Variants in OSBP2 observed in about 807,000 individuals in gnomAD.
The protein encoded by OSBP2 is oxysterol-binding protein 2.
A neutral mutation model predicts 96.0 loss-of-function variants in OSBP2; 66 were observed. The ratio of observed to expected loss-of-function variants is 0.69; its 90% CI spans 0.56 to 0.84. OSBP2 has a LOEUF of 0.84. OSBP2 is among the 40% of genes least tolerant of loss of function. The probability of loss-of-function intolerance (pLI) is 0.00; values close to 1 mark genes in which losing one functional copy is unlikely to be tolerated. For synonymous variants in OSBP2, 525 were observed against 520.9 expected, an observed-to-expected ratio of 1.01 and a Z score of -0.11; for missense variants, 1,038 against 1,222.7, an observed-to-expected ratio of 0.85 and a Z score of 2.25.
chr22:30,781,616 A>G (rs1329712644), intron 2 of OSBP2, among the ~76,000 whole-genome samples: 2 of 151,948 alleles, frequency 1.3e-5, no homozygotes, highest in Non-Finnish European at 2.9e-5. Context: ...CCCTGAGTGG[A>G]CTCAAATGGG....
At chr22:30,839,679 T>C (rs2038707740) in intron 2 of OSBP2, among the ~76,000 whole-genome samples, 1 of 151,216 alleles carries the variant, frequency 6.6e-6, no homozygotes, top group Non-Finnish European at 1.5e-5. Flanking sequence ...CTTTGCCCAC[T>C]TTTTGATGGG....
intron 2 of OSBP2, among the ~76,000 whole-genome samples, chr22:30,797,584 A>G (rs1159353752): frequency 6.8e-6 from 1 of 146,680 alleles, no homozygotes; most frequent in African/African-American, 2.5e-5. Context: ...ACCTGGCCCT[A>G]TTTATTTTTA....
intron 12 of OSBP2, among the ~76,000 whole-genome samples, chr22:30,896,014 TG>T (rs1406625350): frequency 2.0e-5 from 3 of 151,702 alleles, no homozygotes; most frequent in African/African-American, 7.3e-5. Flanking sequence ...GGGTTTTGTT[TG>T]TTTTTTTGTT....
chr22:30,790,968 T>A (rs1294005736), intron 2 of OSBP2, among the ~76,000 whole-genome samples: 1 of 152,140 alleles, frequency 6.6e-6, no homozygotes, highest in Non-Finnish European at 1.5e-5. Flanking sequence ...TTATTTTTCT[T>A]TCATTTTTTA....
intron 2 of OSBP2, among the ~76,000 whole-genome samples, chr22:30,756,314 G>A (rs1376935927): frequency 6.6e-6 from 1 of 152,110 alleles, no homozygotes; most frequent in Non-Finnish European, 1.5e-5. Flanking sequence ...AGACAGGTTG[G>A]GCCCAAATCC....
chr22:30,700,001 C>A (rs2089131048), intron 1 of OSBP2, among the ~76,000 whole-genome samples: 1 of 145,898 alleles, frequency 6.9e-6, no homozygotes, highest in Non-Finnish European at 1.5e-5. Context: ...CTCGTTCTGT[C>A]ACCCAGGCTG....
At chr22:30,786,561 C>A (rs2090593037) in intron 2 of OSBP2, among the ~76,000 whole-genome samples, 1 of 151,768 alleles carries the variant, frequency 6.6e-6, no homozygotes, top group South Asian at 2.1e-4. Context: ...GGGAAGGTTG[C>A]CTAGAGGAGG....
chr22:30,799,343 A>G (rs2090818613), intron 2 of OSBP2, among the ~76,000 whole-genome samples: 1 of 152,176 alleles, frequency 6.6e-6, no homozygotes, highest in Admixed American at 6.5e-5. Context: ...CTGGTCTTGA[A>G]AAACCCCTGG....
At chr22:30,719,422 C>T (rs2089511675) in intron 1 of OSBP2, among the ~76,000 whole-genome samples, 1 of 151,860 alleles carries the variant, frequency 6.6e-6, no homozygotes, top group Non-Finnish European at 1.5e-5. Context: ...GGAAAAGTTG[C>T]CTGGTGTGGT....
chr22:30,718,646 C>T (rs780279632), intron 1 of OSBP2, among the ~76,000 whole-genome samples: 3 of 152,202 alleles, frequency 2.0e-5, no homozygotes, highest in African/African-American at 4.8e-5. Flanking sequence ...TGTTCACTGG[C>T]CTTCCTGCCC....
In OSBP2 at chr22:30,886,728, T is replaced by C. The variant is rs139875944; in HGVS notation, c.1108-698T>C. On this transcript the variant is annotated intron_variant, in intron 3 of 13. Coordinates refer to ENST00000332585, the MANE Select transcript of OSBP2 (RefSeq NM_030758.4). ...ATAAAGCCCATCTGATGAGAATGTA[T>C]GGTTTTTAGGGCATGACTCCCCAGA... Among the ~76,000 whole-genome samples, 8 of 152,270 alleles carry C rather than the reference T, an allele frequency of 5.3e-5. No homozygotes were observed. The East Asian group carries it at 1.5e-3, about 29-fold the overall frequency.
At chr22:30,865,249 C>G (rs2039309877) in intron 2 of OSBP2, among the ~76,000 whole-genome samples, 1 of 152,112 alleles carries the variant, frequency 6.6e-6, no homozygotes, top group South Asian at 2.1e-4. Flanking sequence ...AAGGAGATCC[C>G]TGAGTGGGGA....
At chr22:30,789,172 C>T (rs541518626) in intron 2 of OSBP2, among the ~76,000 whole-genome samples, 8 of 152,262 alleles carry the variant, frequency 5.3e-5, no homozygotes, top group African/African-American at 1.7e-4. Flanking sequence ...GAAATGCTTG[C>T]TCCTGGTGCT....
chr22:30,747,778 C>T (rs2090023403), intron 2 of OSBP2, among the ~76,000 whole-genome samples: 2 of 152,324 alleles, frequency 1.3e-5, no homozygotes, highest in Non-Finnish European at 2.9e-5. Context: ...CGGAGCTCAG[C>T]CTAATGTCAC....
chr22:30,712,051 C>T (rs973226874), intron 1 of OSBP2, among the ~76,000 whole-genome samples: 1 of 152,160 alleles, frequency 6.6e-6, no homozygotes, highest in Non-Finnish European at 1.5e-5. Flanking sequence ...CAGGATAATG[C>T]AAGTGACCCA....
intron 2 of OSBP2, among the ~76,000 whole-genome samples, chr22:30,821,137 T>C (rs1344457898): frequency 1.3e-5 from 2 of 152,016 alleles, no homozygotes; most frequent in African/African-American, 4.8e-5. Context: ...TGTAGTCCAG[T>C]GGGAAAGATG....
At chr22:30,798,545 T>C (rs1569128603) in intron 2 of OSBP2, among the ~76,000 whole-genome samples, 2 of 152,254 alleles carry the variant, frequency 1.3e-5, no homozygotes, top group African/African-American at 2.4e-5. Flanking sequence ...TATAACTGTT[T>C]TATAGTTTCA....
chr22:30,853,322 G>A (rs2039011678), intron 2 of OSBP2, among the ~76,000 whole-genome samples: 1 of 152,168 alleles, frequency 6.6e-6, no homozygotes. Context: ...AGGAGTTTGT[G>A]TTATCTTGAT....
chr22:30,710,006 C>T (rs761306845), intron 1 of OSBP2, among the ~76,000 whole-genome samples: 5 of 152,038 alleles, frequency 3.3e-5, no homozygotes, highest in Non-Finnish European at 5.9e-5. Flanking sequence ...CTTCAGCCTC[C>T]CGAGTAGCTG....
Sources: allele counts gnomAD v4.1 joint callset (sites outside exome capture counted in the v4.1 genomes callset), GRCh38; gene constraint gnomAD v4.1.1; transcripts MANE v1.5; gene names NCBI Gene and HGNC (gene_info 2026-07-23, HGNC 2026-07-21).